WWC1: variants seen among roughly 807,000 people sequenced by gnomAD.
WWC1 encodes the protein protein KIBRA.
A neutral mutation model predicts 138.4 loss-of-function variants in WWC1; 55 were observed. That is an observed-to-expected ratio of 0.40 (90% CI 0.32 to 0.50). WWC1 has a LOEUF of 0.50. WWC1 is among the 20% of genes least tolerant of loss of function. The pLI is 0.72. For synonymous variants in WWC1, 524 were observed against 564.9 expected (o/e 0.93, Z 1.03); for missense variants, 1,226 against 1,420.4 (o/e 0.86, Z 2.20).
chr5:168,337,658 A>C (rs1235856007), intron 1 of WWC1, among the ~76,000 whole-genome samples: 1 of 152,250 alleles, frequency 6.6e-6, no homozygotes, highest in Admixed American at 6.5e-5. Context: ...CTTATAGTCT[A>C]GTGTTTGTGC....
Position 168,408,644 on chromosome 5 carries a change from C to G in WWC1, c.858C>G (p.Ile286Met), listed in dbSNP as rs1561721360. 4 of 1,614,154 alleles carry G rather than the reference C, an allele frequency of 2.5e-6. No individual in the cohort carries two copies. The highest frequency in any genetic ancestry group is 3.4e-6 in the Non-Finnish European group (4 of 1,179,998). ...TGGATGTGAGCTCCCAGACAGACAT[C>G]TCGGGAAGCGTGAGTAGACGGGGCA... Reference protein sequence around the residue: ...QYLDVSSQTDISGSFGINSNN... With the variant: ...QYLDVSSQTDMSGSFGINSNN... The change falls in exon 7 of 23, where the codon ATC (isoleucine) becomes ATG (methionine). Residue 286 changes from isoleucine (I) to methionine (M), a missense_variant. Coordinates refer to ENST00000265293, the MANE Select transcript of WWC1 (RefSeq NM_015238.3).
intron 2 of WWC1, among the ~76,000 whole-genome samples, chr5:168,382,448 T>C (rs1331313992): frequency 1.3e-5 from 2 of 152,230 alleles, no homozygotes; most frequent in African/African-American, 4.8e-5. Context: ...TTTTTGTACT[T>C]TTCATTATTT....
chr5:168,374,819 G>C (rs1022320063), intron 2 of WWC1, among the ~76,000 whole-genome samples: 2 of 152,184 alleles, frequency 1.3e-5, no homozygotes, highest in African/African-American at 4.8e-5. Context: ...CCCTAGACCT[G>C]GGCTGTAGCA....
chr5:168,449,494 C>T (rs1402057464), intron 17 of WWC1, among the ~76,000 whole-genome samples: 3 of 151,238 alleles, frequency 2.0e-5, no homozygotes, highest in South Asian at 2.1e-4. Context: ...TCAATAAATA[C>T]TGGTCAATGT....
At position 168,347,381 on chromosome 5, in the gene WWC1, C is replaced by G. The variant is rs569689681; in HGVS notation, c.120-24043C>G. Among the ~76,000 whole-genome samples the G allele has an allele frequency of 1.9e-4, 29 of 152,366 alleles. 1 individual carries two copies. Among genetic ancestry groups the G allele is most frequent in the African/African-American group, 6.3e-4 (26 of 41,590 alleles). On this transcript the variant is annotated intron_variant, in intron 1 of 22. Transcript: ENST00000265293. ...CTCTTCCCTACTTCCGATCCACCTT[C>G]AGTTGATCACCCTGGCCTTGCCTGG... is the stretch of plus-strand genomic sequence containing the variant.
chr5:168,422,026 G>A lies in WWC1; in HGVS notation c.1203G>A (p.Lys401=). The A allele has an allele frequency of 1.2e-6, 2 of 1,612,162 alleles. No homozygotes were observed. Among genetic ancestry groups the A allele is most frequent in the Non-Finnish European group, 1.7e-6 (2 of 1,178,872 alleles). The change falls in exon 10 of 23, where the codon AAG becomes AAA. Residue 401 remains lysine (K), a synonymous_variant. Transcript: ENST00000265293. ...ALTERLKLNS[K]RNQLVRELEE... is the part of the protein sequence containing the mutation. ...CTTCCAGGTTAAAGTTAAACAGTAA[G>A]AGGAACCAGCTTGTGAGAGAACTGG...
rs187421949 is a variant in WWC1, at chr5:168,366,778, A to G, written c.120-4646A>G. On this transcript the variant is annotated intron_variant, in intron 1 of 22. Transcript: ENST00000265293. ...TCACACCCAGCAAGCTCAGTAAATC[A>G]TTTGTATTAATGACTTTGAAACACT... Among the ~76,000 whole-genome samples, 150 of 137,850 alleles carry G rather than the reference A, an allele frequency of 1.1e-3. 1 individual carries two copies. The highest frequency in any genetic ancestry group is 3.9e-3 in the African/African-American group (145 of 36,766). 90.4% of individuals were successfully genotyped at this position (137,850 alleles called of 152,430 possible).
intron 1 of WWC1, among the ~76,000 whole-genome samples, chr5:168,343,092 C>T (rs955972786): frequency 4.0e-5 from 6 of 151,892 alleles, no homozygotes; most frequent in South Asian, 2.1e-4. Context: ...ATTTTCATTG[C>T]GCAGATGGAC....
intron 5 of WWC1, among the ~76,000 whole-genome samples, chr5:168,400,688 C>G (rs1448318983): frequency 6.6e-6 from 1 of 152,142 alleles, no homozygotes; most frequent in African/African-American, 2.4e-5. Flanking sequence ...GTGGCTCAGG[C>G]CTGTAATCCC....
At chr5:168,328,950 C>T (rs1266393226) in intron 1 of WWC1, among the ~76,000 whole-genome samples, 1 of 152,228 alleles carries the variant, frequency 6.6e-6, no homozygotes, top group East Asian at 1.9e-4. Context: ...TGGCATCCAC[C>T]TGTCTGGGCT....
At chr5:168,368,438 A>G (rs1227373031) in intron 1 of WWC1, among the ~76,000 whole-genome samples, 1 of 152,236 alleles carries the variant, frequency 6.6e-6, no homozygotes, top group Non-Finnish European at 1.5e-5. Context: ...TATACGCAGA[A>G]ACAGGGGAGC....
At chr5:168,463,542 C>T (rs1378430296) in intron 20 of WWC1, among the ~76,000 whole-genome samples, 2 of 152,216 alleles carry the variant, frequency 1.3e-5, no homozygotes, top group South Asian at 2.1e-4. Flanking sequence ...TTATACAGGG[C>T]GTGTATATTA....
intron 1 of WWC1, among the ~76,000 whole-genome samples, chr5:168,293,030 G>A (rs1043784746): frequency 3.3e-5 from 5 of 152,154 alleles, no homozygotes; most frequent in African/African-American, 1.2e-4. Flanking sequence ...TCGGGGAAGG[G>A]GGCGGCGAGG....
chr5:168,335,975 G>A (rs1773420714), intron 1 of WWC1, among the ~76,000 whole-genome samples: 1 of 152,172 alleles, frequency 6.6e-6, no homozygotes, highest in African/African-American at 2.4e-5. Context: ...GTCCTCTCTG[G>A]TCCTCGTTTC....
intron 1 of WWC1, among the ~76,000 whole-genome samples, chr5:168,321,694 C>T (rs926705823): frequency 7.9e-5 from 12 of 152,098 alleles, no homozygotes; most frequent in Non-Finnish European, 1.2e-4. Flanking sequence ...TGTGCCACCA[C>T]GCCCGGCTAA....
In WWC1 at chr5:168,469,444, C is replaced by T. The variant is rs1334701806; in HGVS notation, c.*427C>T. ...GGGACGGTAATCCTAATAGGACGTC[C>T]CGCACTTGTCACAGTACAGCTAATT... On this transcript the variant is annotated 3_prime_UTR_variant, in exon 23 of 23. Coordinates refer to ENST00000265293, the MANE Select transcript of WWC1 (RefSeq NM_015238.3). 1 of 166,200 alleles carries T rather than the reference C, an allele frequency of 6.0e-6. No homozygotes were observed. The highest frequency in any genetic ancestry group is 6.0e-5 in the Admixed American group (1 of 16,778). 10.3% of individuals were successfully genotyped at this position (166,200 alleles called of 1,614,324 possible).
At chr5:168,438,660 C>T (rs576595374) in intron 15 of WWC1, among the ~76,000 whole-genome samples, 3 of 152,244 alleles carry the variant, frequency 2.0e-5, no homozygotes, top group Admixed American at 2.0e-4. Context: ...CACCCACCGA[C>T]ACTGGTGTGT....
intron 16 of WWC1, among the ~76,000 whole-genome samples, chr5:168,442,918 C>T (rs934592645): frequency 5.3e-5 from 8 of 152,004 alleles, no homozygotes; most frequent in South Asian, 2.1e-4. Flanking sequence ...TTCATTTTAG[C>T]GCAGTACGCT....
chr5:168,328,270 A>G (rs1772731259), intron 1 of WWC1, among the ~76,000 whole-genome samples: 1 of 152,156 alleles, frequency 6.6e-6, no homozygotes. Context: ...TCAGGTAAAG[A>G]AGTCAGCAGG....
Sources: gnomAD v4.1 joint callset for allele counts (sites outside exome capture counted in the v4.1 genomes callset) on GRCh38, gnomAD v4.1.1 for gene constraint, MANE v1.5 for transcripts, NCBI Gene and HGNC (gene_info 2026-07-23, HGNC 2026-07-21) for gene names.